The following ZNF462 variants were observed in gnomAD, a reference collection of about 807,000 sequenced individuals.
The protein encoded by ZNF462 is zinc finger PBX1-interacting protein.
A neutral mutation model predicts 201.9 loss-of-function variants in ZNF462; 10 were observed. That is an observed-to-expected ratio of 0.05 (90% CI 0.03 to 0.08). ZNF462 has a LOEUF of 0.08. Among genes scored for constraint, ZNF462 ranks in the 10% least tolerant of loss-of-function variants. The pLI is 1.00. For synonymous variants in ZNF462, 1,227 were observed against 1,193.3 expected, an observed-to-expected ratio of 1.03 and a Z score of -0.58; for missense variants, 2,523 against 3,168.3, an observed-to-expected ratio of 0.80 and a Z score of 4.89.
At position 106,929,784 on chromosome 9, in the gene ZNF462, TC is replaced by T. The variant is rs752432446; in HGVS notation, c.5847+30del. ...GGTAAGGATATGTTTTGATTTCCCTTCCCCCAGGAGGCCTCTCATCACTGGT... is the reference window on the plus strand; with the variant it reads ...GGTAAGGATATGTTTTGATTTCCCTTCCCCAGGAGGCCTCTCATCACTGGT... On this transcript the variant is annotated intron_variant, in intron 3 of 12. Coordinates refer to ENST00000277225, the MANE Select transcript of ZNF462 (RefSeq NM_021224.6). The surrounding 1 kb of genome is among the most constrained non-coding windows in gnomAD (Gnocchi z 8.7). 4 of 1,580,098 alleles carry T rather than the reference TC, an allele frequency of 2.5e-6. No individual in the cohort carries two copies. Among genetic ancestry groups the T allele is most frequent in the African/African-American group, 2.7e-5 (2 of 74,360 alleles).
Position 106,938,213 on chromosome 9 carries a change from T to C in ZNF462, c.6236-703T>C, listed in dbSNP as rs1830711880. 6.6e-6 allele frequency among the ~76,000 whole-genome samples: 1 copy of C among 152,220 alleles called. No homozygotes were observed. Among genetic ancestry groups the C allele is most frequent in the Admixed American group, 6.5e-5 (1 of 15,282 alleles). On this transcript the variant is annotated intron_variant, in intron 6 of 12. Transcript: ENST00000277225. This position sits in a 1 kb window ranked among gnomAD's most constrained non-coding sequence, Gnocchi z 4.4. ...TATTTTTACTGAGAGGCAGTCTTTATTGAAGAATATTGGAGATAAACACAC... is the reference window on the plus strand; with the variant it reads ...TATTTTTACTGAGAGGCAGTCTTTACTGAAGAATATTGGAGATAAACACAC...
upstream of ZNF462, chr9:106,862,977 C>T (rs368871621): frequency 1.8e-5 from 7 of 396,306 alleles, no homozygotes; most frequent in South Asian, 2.8e-4. The surrounding 1 kb of genome is among the most constrained non-coding windows in gnomAD (Gnocchi z 4.2). Context: ...TGCTTTCTCT[C>T]TCCCCCTGGT....
chr9:106,960,295 C>A lies in ZNF462; in HGVS notation c.6428-11710C>A, dbSNP rs1370536047. Among the ~76,000 whole-genome samples the A allele has an allele frequency of 2.0e-5, 3 of 152,230 alleles. No individual in the cohort carries two copies. The East Asian group carries it at 5.8e-4, about 29-fold the overall frequency. ...CCCTCCGGGCTCTCACAGCACTGTT[C>A]ATAGCAAGCCATCAATTGTGACCAA... On this transcript the variant is annotated intron_variant, in intron 7 of 12. Transcript: ENST00000277225.
At position 106,950,745 on chromosome 9, in the gene ZNF462, T is replaced by C. The variant is rs1831307104; in HGVS notation, c.6427+11638T>C. On this transcript the variant is annotated intron_variant, in intron 7 of 12. Coordinates refer to ENST00000277225, the MANE Select transcript of ZNF462 (RefSeq NM_021224.6). The surrounding 1 kb of genome is among the most constrained non-coding windows in gnomAD (Gnocchi z 4.1). ...TATGGTTACAGTATACTGTTGCATC[T>C]TAGCTATGTTATCTCCATAACGGAA... Among the ~76,000 whole-genome samples the C allele has an allele frequency of 6.6e-6, 1 of 152,208 alleles. No homozygotes were observed. Among genetic ancestry groups the C allele is most frequent in the African/African-American group, 2.4e-5 (1 of 41,452 alleles).
At position 106,977,362 on chromosome 9, in the gene ZNF462, G is replaced by A. The variant is rs1028788008; in HGVS notation, c.6832+3089G>A. On this transcript the variant is annotated intron_variant, in intron 9 of 12. Transcript: ENST00000277225. The surrounding 1 kb of genome is among the most constrained non-coding windows in gnomAD (Gnocchi z 4.6). The stretch of plus-strand genomic sequence containing the variant: ...GGTCTTAGTTAATTAAAGTATGTGG[G>A]ATGAAAAGCAAGAAAACCAACTTCT... Among the ~76,000 whole-genome samples the A allele has an allele frequency of 6.6e-6, 1 of 151,482 alleles. No homozygotes were observed. Among genetic ancestry groups the A allele is most frequent in the Non-Finnish European group, 1.5e-5 (1 of 68,026 alleles).
At chr9:106,988,473 A>T (rs1286750320) in intron 10 of ZNF462, among the ~76,000 whole-genome samples, 1 of 152,086 alleles carries the variant, frequency 6.6e-6, no homozygotes, top group Non-Finnish European at 1.5e-5. Context: ...CATATCAGTG[A>T]TGTCCTCAGA....
At chr9:106,987,407 C>G (rs992056708) in intron 10 of ZNF462, among the ~76,000 whole-genome samples, 4 of 152,160 alleles carry the variant, frequency 2.6e-5, no homozygotes, top group Admixed American at 6.5e-5. Context: ...TTGCATTTCC[C>G]TGATCATTAG....
At chr9:106,967,298 T>C (rs1316069758) in intron 7 of ZNF462, among the ~76,000 whole-genome samples, 2 of 152,132 alleles carry the variant, frequency 1.3e-5, no homozygotes, top group African/African-American at 4.8e-5. Flanking sequence ...GACCTGGCAC[T>C]AGCACAATGT....
rs1268167202 is a variant in ZNF462, at chr9:106,954,999, A to G, written c.6427+15892A>G. Among the ~76,000 whole-genome samples the G allele has an allele frequency of 1.3e-5, 2 of 152,120 alleles. No individual in the cohort carries two copies. The highest frequency in any genetic ancestry group is 2.9e-5 in the Non-Finnish European group (2 of 68,024). On this transcript the variant is annotated intron_variant, in intron 7 of 12. Transcript: ENST00000277225. The surrounding 1 kb of genome is among the most constrained non-coding windows in gnomAD (Gnocchi z 4.0). The stretch of plus-strand genomic sequence containing the variant: ...AGTCATGGTAGTAAAGTAGTAAATC[A>G]AGATTTGAATGCTTTTCTGACTCCA...
In ZNF462 at chr9:106,936,766, CCAGCGAGA is replaced by C. The variant is rs1275348050; in HGVS notation, c.6235+1146_6235+1153del. 3.9e-5 allele frequency among the ~76,000 whole-genome samples: 6 copies of C among 152,290 alleles called. No homozygotes were observed. The East Asian group carries it at 1.2e-3, about 29-fold the overall frequency. ...CTTAGCCTTGTCAAAAGCACTTTTA[CCAGCGAGA>C]GCTGGGAAGAGATGATTCGGCCTGT... On this transcript the variant is annotated intron_variant, in intron 6 of 12. Transcript: ENST00000277225.
chr9:106,979,345 T>C (rs1827248232), intron 9 of ZNF462: 1 of 151,816 alleles, frequency 6.6e-6, no homozygotes, highest in South Asian at 2.1e-4. Context: ...GAGCTGCTTA[T>C]AGGGTAGCCC....
At chr9:106,999,867 G>T (rs1293685282) in intron 10 of ZNF462, among the ~76,000 whole-genome samples, 1 of 152,086 alleles carries the variant, frequency 6.6e-6, no homozygotes, top group East Asian at 1.9e-4. Context: ...TAGACACTGT[G>T]CTGGCCAGTG....
upstream of ZNF462, among the ~76,000 whole-genome samples, chr9:106,861,378 G>C (rs535743819): frequency 2.0e-5 from 3 of 152,300 alleles, no homozygotes; most frequent in African/African-American, 7.2e-5. Context: ...TGTTGCTTGG[G>C]GGGAGGGAGG....
rs551366502 is a variant in ZNF462, at chr9:106,880,457, A to C, written c.-31+17102A>C. On this transcript the variant is annotated intron_variant, in intron 1 of 12. Coordinates refer to ENST00000277225, the MANE Select transcript of ZNF462 (RefSeq NM_021224.6). The surrounding 1 kb of genome is among the most constrained non-coding windows in gnomAD (Gnocchi z 4.1). ...GTAGGTACGAGGGCTGCATTAAACC[A>C]GTGAGAAGTCCAAGGCTCCATTTCA... Among the ~76,000 whole-genome samples, 63 of 152,338 alleles carry C rather than the reference A, an allele frequency of 4.1e-4. No individual in the cohort carries two copies. The highest frequency in any genetic ancestry group is 1.4e-3 in the African/African-American group (58 of 41,574).
rs1187505484 is a variant in ZNF462, at chr9:106,930,367, C to G, written c.5848-158C>G. Among the ~76,000 whole-genome samples, 2 of 152,206 alleles carry G rather than the reference C, an allele frequency of 1.3e-5. No individual in the cohort carries two copies. The highest frequency in any genetic ancestry group is 4.8e-5 in the African/African-American group (2 of 41,436). ...GCATAGTAGGCAGCGTGCCATGATG[C>G]TGACAAATTTGTTATATAAAAATAC... is the stretch of plus-strand genomic sequence containing the variant. On this transcript the variant is annotated intron_variant, in intron 3 of 12. Coordinates refer to ENST00000277225, the MANE Select transcript of ZNF462 (RefSeq NM_021224.6). This position sits in a 1 kb window ranked among gnomAD's most constrained non-coding sequence, Gnocchi z 5.8.
At chr9:106,982,133 A>G (rs1423847546) in intron 9 of ZNF462, among the ~76,000 whole-genome samples, 2 of 152,176 alleles carry the variant, frequency 1.3e-5, no homozygotes, top group African/African-American at 4.8e-5. Flanking sequence ...TGTTGACACT[A>G]GCTTGTTCAT....
chr9:106,976,239 C>T (rs1826994159), intron 9 of ZNF462: 2 of 152,182 alleles, frequency 1.3e-5, no homozygotes, highest in South Asian at 4.1e-4. Context: ...GTGCCATGCC[C>T]TTGTTCACAG....
Position 106,974,343 on chromosome 9 carries a change from C to T in ZNF462, c.6832+70C>T, listed in dbSNP as rs1307604900. 6.2e-7 allele frequency: 1 copy of T among 1,605,988 alleles called. No homozygotes were observed. The highest frequency in any genetic ancestry group is 8.5e-7 in the Non-Finnish European group (1 of 1,172,902). ...CAGCAGAGATGGCCTTCTAGGGATGCTCTCTCAGAGTGGCAGTAGCACCTG... is the reference window on the plus strand; with the variant it reads ...CAGCAGAGATGGCCTTCTAGGGATGTTCTCTCAGAGTGGCAGTAGCACCTG... On this transcript the variant is annotated intron_variant, in intron 9 of 12. Coordinates refer to ENST00000277225, the MANE Select transcript of ZNF462 (RefSeq NM_021224.6). The surrounding 1 kb of genome is among the most constrained non-coding windows in gnomAD (Gnocchi z 4.0).
chr9:106,884,518 G>C (rs746822835), intron 1 of ZNF462, among the ~76,000 whole-genome samples: 1 of 151,922 alleles, frequency 6.6e-6, no homozygotes, highest in Non-Finnish European at 1.5e-5. Flanking sequence ...TCGGTGACAG[G>C]CTACATACTG....
Sources: allele counts gnomAD v4.1 joint callset (sites outside exome capture counted in the v4.1 genomes callset), GRCh38; gene constraint gnomAD v4.1.1; non-coding constraint Gnocchi (gnomAD v3.1); transcripts MANE v1.5; gene names NCBI Gene and HGNC (gene_info 2026-07-23, HGNC 2026-07-21).